OTUD4: variants seen among roughly 807,000 people sequenced by gnomAD.
OTUD4 encodes the protein OTU deubiquitinase 4, also known as OTU domain-containing protein 4.
Under a neutral mutation model 130.4 loss-of-function variants are expected in OTUD4, and 24 were observed. That is an observed-to-expected ratio of 0.18 (90% CI 0.13 to 0.26). OTUD4 has a LOEUF of 0.26. Among genes scored for constraint, OTUD4 ranks in the 10% least tolerant of loss-of-function variants. The probability of loss-of-function intolerance (pLI) is 1.00; values close to 1 mark genes in which losing one functional copy is unlikely to be tolerated. For synonymous variants in OTUD4, 420 were observed against 472.5 expected (o/e 0.89, Z 1.44); for missense variants, 1,031 against 1,329.4 (o/e 0.78, Z 3.49).
intron 3 of OTUD4, 56 bp from the exon 4 acceptor site, chr4:145,165,253 T>C: frequency 8.8e-7 from 1 of 1,131,942 alleles, no homozygotes; most frequent in Non-Finnish European, 1.3e-6. Context: ...TAGATTCCAC[T>C]TTATATTTCT....
rs1752023118 is a variant in OTUD4, at chr4:145,169,056, C to CT, written c.294+2613dup. ...AGCCAAATACATAAGACTACAAACT[C>CT]TATCATTCCACTTATATGCATCTAG... On this transcript the variant is annotated intron_variant, in intron 3 of 20. Coordinates refer to ENST00000447906, the MANE Select transcript of OTUD4 (RefSeq NM_001366057.1). 2.0e-5 allele frequency among the ~76,000 whole-genome samples: 3 copies of CT among 152,348 alleles called. No homozygotes were observed. In the South Asian group the frequency reaches 6.2e-4, roughly 32 times the overall value.
Position 145,137,344 on chromosome 4 carries a change from G to C in OTUD4, c.*86C>G. On this transcript the variant is annotated 3_prime_UTR_variant, in exon 21 of 21. Coordinates refer to ENST00000447906, the MANE Select transcript of OTUD4 (RefSeq NM_001366057.1). ...GGGGAGAGGAAAGAGTTCCAACTGC[G>C]GTTTTTACTTTATTGTATTTTTTTT... 1 of 1,127,354 alleles carries C rather than the reference G, an allele frequency of 8.9e-7. No individual in the cohort carries two copies. Among genetic ancestry groups the C allele is most frequent in the Non-Finnish European group, 1.3e-6 (1 of 780,518 alleles). 69.8% of individuals were successfully genotyped at this position (1,127,354 alleles called of 1,614,324 possible).
At chr4:145,178,669 A>G (rs1167151262) in intron 1 of OTUD4, 2 of 152,244 alleles carry the variant, frequency 1.3e-5, no homozygotes, top group African/African-American at 4.8e-5. Context: ...GTGTCCGTTA[A>G]ATCAATTTCT....
intron 14 of OTUD4, among the ~76,000 whole-genome samples, chr4:145,145,886 G>C (rs1750794617): frequency 6.6e-6 from 1 of 152,206 alleles, no homozygotes; most frequent in Admixed American, 6.5e-5. Context: ...CAAACACCCT[G>C]AAAGACAGCT....
intron 11 of OTUD4, among the ~76,000 whole-genome samples, chr4:145,152,244 T>C (rs1296382928): frequency 6.6e-6 from 1 of 152,138 alleles, no homozygotes; most frequent in African/African-American, 2.4e-5. Context: ...CTTGAGTAGC[T>C]GGAATTTACA....
intron 13 of OTUD4, among the ~76,000 whole-genome samples, chr4:145,147,591 T>C (rs537066063): frequency 6.6e-6 from 1 of 152,344 alleles, no homozygotes; most frequent in South Asian, 2.1e-4. Flanking sequence ...TATTTTCATC[T>C]AGCTTGAAGA....
intron 3 of OTUD4, among the ~76,000 whole-genome samples, chr4:145,168,901 TATCA>T (rs1459373417): frequency 4.6e-5 from 7 of 152,238 alleles, no homozygotes; most frequent in African/African-American, 1.2e-4. Flanking sequence ...AGAACTTAAA[TATCA>T]ATCAGCTGGT....
intron 13 of OTUD4, among the ~76,000 whole-genome samples, chr4:145,146,651 C>T (rs1230589426): frequency 6.6e-6 from 1 of 152,038 alleles, no homozygotes; most frequent in East Asian, 1.9e-4. Flanking sequence ...GCTCCTGTAG[C>T]ATTAGCCTAC....
chr4:145,138,731 G>A (rs574394439), intron 20 of OTUD4, 81 bp from the exon 21 acceptor site: 1 of 1,307,402 alleles, frequency 7.6e-7, no homozygotes, highest in South Asian at 1.5e-5. Context: ...ACAAGTACTA[G>A]GGTCAAAATA....
rs1297416995 is a variant in OTUD4 at position 145,168,024 on chromosome 4, T to A, written c.295-2827A>T. Reference sequence around the variant, plus strand: ...CAAGCAGTGTCAGTATTAAATTATTTAAAAAAAAAATCGATATTATACTAC... The same window carrying A: ...CAAGCAGTGTCAGTATTAAATTATTAAAAAAAAAAATCGATATTATACTAC... On this transcript the variant is annotated intron_variant, in intron 3 of 20. Coordinates refer to ENST00000447906, the MANE Select transcript of OTUD4 (RefSeq NM_001366057.1). 3.3e-5 allele frequency among the ~76,000 whole-genome samples: 5 copies of A among 150,442 alleles called. No individual in the cohort carries two copies. The South Asian group carries it at 6.3e-4, about 19-fold the overall frequency.
chr4:145,134,443 T>C lies in OTUD4; in HGVS notation c.*2987A>G, dbSNP rs1750141808. 2.8e-6 allele frequency: 1 copy of C among 357,728 alleles called. No individual in the cohort carries two copies. Among genetic ancestry groups the C allele is most frequent in the Non-Finnish European group, 5.0e-6 (1 of 200,654 alleles). The allele number at this position is 357,728 out of a possible 1,614,324, so 22.2% of individuals were successfully genotyped here. ...TAGTTTCTAGGATGGCTGAATGTTT[T>C]CTAAACCAGAAATGGTTAGAAAGGA... On this transcript the variant is annotated 3_prime_UTR_variant, in exon 21 of 21. Transcript: ENST00000447906.
chr4:145,158,198 T>C (rs1254133678), intron 7 of OTUD4, among the ~76,000 whole-genome samples: 1 of 152,098 alleles, frequency 6.6e-6, no homozygotes, highest in Non-Finnish European at 1.5e-5. Context: ...AATCAAGAGA[T>C]ATACAGGCTG....
Position 145,162,629 on chromosome 4 carries a change from G to A in OTUD4, c.496+11C>T. ...ATATAATTTCCCATATAAACACAAGGTGATACTTACACTGACACATAGCAG... is the reference window on the plus strand; with the variant it reads ...ATATAATTTCCCATATAAACACAAGATGATACTTACACTGACACATAGCAG... On this transcript the variant is annotated intron_variant, in intron 6 of 20. Coordinates refer to ENST00000447906, the MANE Select transcript of OTUD4 (RefSeq NM_001366057.1). 2.4e-6 allele frequency: 3 copies of A among 1,271,690 alleles called. No individual in the cohort carries two copies. The Admixed American group carries it at 6.4e-5, about 27-fold the overall frequency. 78.8% of individuals were successfully genotyped at this position (1,271,690 alleles called of 1,614,324 possible).
chr4:145,179,389 G>A (rs1252919138), intron 1 of OTUD4, among the ~76,000 whole-genome samples: 1 of 152,232 alleles, frequency 6.6e-6, no homozygotes, highest in East Asian at 1.9e-4. Flanking sequence ...TGTTCCACAA[G>A]TAAAGTTTGA....
At position 145,134,396 on chromosome 4, in the gene OTUD4, AAG is replaced by A. The variant is rs1240111641; in HGVS notation, c.*3032_*3033del. On this transcript the variant is annotated 3_prime_UTR_variant, in exon 21 of 21. Transcript: ENST00000447906. ...TCATCTAAAAATGAAGGTAAAACGA[AAG>A]AGGCAAAAATAAATATTGCTAGTTT... is the stretch of plus-strand genomic sequence containing the variant. 3.6e-6 allele frequency: 1 copy of A among 277,840 alleles called. No individual in the cohort carries two copies. The highest frequency in any genetic ancestry group is 2.2e-5 in the African/African-American group (1 of 46,066). The allele number at this position is 277,840 out of a possible 1,614,324, so 17.2% of individuals were successfully genotyped here.
At chr4:145,170,024 A>G (rs1312515488) in intron 3 of OTUD4, among the ~76,000 whole-genome samples, 1 of 152,224 alleles carries the variant, frequency 6.6e-6, no homozygotes, top group Non-Finnish European at 1.5e-5. Flanking sequence ...GGTACAGGGA[A>G]AGTGATGGAA....
At position 145,137,725 on chromosome 4, in the gene OTUD4, T is replaced by G. The variant is rs1391995114; in HGVS notation, c.3050A>C (p.Gln1017Pro). The G allele has an allele frequency of 1.2e-6, 2 of 1,614,138 alleles. No homozygotes were observed. The highest frequency in any genetic ancestry group is 1.7e-6 in the Non-Finnish European group (2 of 1,180,018). ...TTCTGAACTCTCTTCTTTTGGTCTT[T>G]GCACTCTGCTATCAACAGAGTTGGC... ...PGANSVDSRV[Q>P]RPKEESSEDE... The change falls in exon 21 of 21, where the codon CAA (glutamine) becomes CCA (proline). Residue 1017 changes from glutamine (Q) to proline (P), a missense_variant. Gln to Pro is a moderately conservative substitution (Grantham distance 76). This residue lies in a region of OTUD4 where 900 missense variants were observed against 1,095.9 expected (regional missense o/e 0.82). Coordinates refer to ENST00000447906, the MANE Select transcript of OTUD4 (RefSeq NM_001366057.1).
Position 145,144,795 on chromosome 4 carries a change from A to G in OTUD4, c.1423-361T>C, listed in dbSNP as rs972714326. Reference sequence around the variant, plus strand: ...CTTCCAAAAAAATCATTGTAGCGCCATATTTTTTGGTGGGGAGTTGGGGAG... The same window carrying G: ...CTTCCAAAAAAATCATTGTAGCGCCGTATTTTTTGGTGGGGAGTTGGGGAG... On this transcript the variant is annotated intron_variant, in intron 14 of 20. Transcript: ENST00000447906. Among the ~76,000 whole-genome samples the G allele has an allele frequency of 5.9e-5, 9 of 152,268 alleles. 1 individual carries two copies. In the South Asian group the frequency reaches 1.5e-3, roughly 25 times the overall value.
intron 14 of OTUD4, among the ~76,000 whole-genome samples, chr4:145,144,902 T>C (rs1415828362): frequency 2.6e-5 from 4 of 152,182 alleles, no homozygotes; most frequent in Admixed American, 2.0e-4. Context: ...ACTTAAACTC[T>C]GCATGAGATA....
Sources: allele counts gnomAD v4.1 joint callset (sites outside exome capture counted in the v4.1 genomes callset), GRCh38; gene constraint gnomAD v4.1.1; regional missense constraint gnomAD v4.1.1; transcripts MANE v1.5; gene names NCBI Gene and HGNC (gene_info 2026-07-23, HGNC 2026-07-21).